Variants in SPRY3 observed in about 807,000 individuals in gnomAD.
The protein encoded by SPRY3 is protein sprouty homolog 3.
Under a neutral mutation model 20.2 loss-of-function variants are expected in SPRY3, and 15 were observed. The ratio of observed to expected loss-of-function variants is 0.74; its 90% CI spans 0.50 to 1.14. The LOEUF (loss-of-function observed/expected upper bound fraction) is 1.14. Among genes scored for constraint, SPRY3 ranks in the 50% most tolerant of loss-of-function variants. The pLI is 0.00. For missense variants in SPRY3, 364 were observed against 363.9 expected (o/e 1.00, Z 0.00); for synonymous variants, 143 against 136.5 (o/e 1.05, Z -0.33).
chrX:155,758,732 T>C (rs1176511273), intron 2 of SPRY3, among the ~76,000 whole-genome samples: 1 of 152,158 alleles, frequency 6.6e-6, no homozygotes, highest in Non-Finnish European at 1.5e-5. Flanking sequence ...AAACAAAACA[T>C]GACAAAATGA....
At chrX:155,684,063 A>C (rs1255808140) in intron 2 of SPRY3, among the ~76,000 whole-genome samples, 3 of 110,205 alleles carry the variant, frequency 2.7e-5, no homozygotes, top group Non-Finnish European at 5.7e-5. Flanking sequence ...TGGCCTTGAC[A>C]ACAAGCTGAT....
At chrX:155,704,393 C>A (rs1569380071) in intron 2 of SPRY3, among the ~76,000 whole-genome samples, 1 of 151,616 alleles carries the variant, frequency 6.6e-6, no homozygotes, top group Non-Finnish European at 1.5e-5. Context: ...AGGGGCCCAA[C>A]AGAACTGACA....
chrX:155,705,460 A>T (rs1220338079), intron 2 of SPRY3, among the ~76,000 whole-genome samples: 1 of 151,454 alleles, frequency 6.6e-6, no homozygotes, highest in Non-Finnish European at 1.5e-5. Flanking sequence ...ACACAGATGA[A>T]ATATAACAAA....
intron 2 of SPRY3, among the ~76,000 whole-genome samples, chrX:155,763,574 G>A (rs751420256): frequency 3.3e-5 from 5 of 151,938 alleles, no homozygotes; most frequent in East Asian, 1.9e-4. Flanking sequence ...CCTGTCATTC[G>A]AGTTATTCTC....
chrX:155,653,617 T>A lies in SPRY3; in HGVS notation c.-440-3250T>A, dbSNP rs1704418505. Among the ~76,000 whole-genome samples, 3 of 112,029 alleles carry A rather than the reference T, an allele frequency of 2.7e-5. 1 individual carries two copies. The Admixed American group carries it at 2.8e-4, about 11-fold the overall frequency. On this transcript the variant is annotated intron_variant, in intron 1 of 3. Transcript: ENST00000675360. ...AGTGATTTATAGATGCCATTGTCTA[T>A]CCTTATGCTAGTGCCACATTGTTTG...
chrX:155,759,169 G>T (rs926863738), intron 2 of SPRY3, among the ~76,000 whole-genome samples: 2 of 150,422 alleles, frequency 1.3e-5, no homozygotes, highest in African/African-American at 4.9e-5. Flanking sequence ...GATTACAAGC[G>T]CCCACCATCA....
At chrX:155,681,191 TG>T (rs1167832930) in intron 2 of SPRY3, among the ~76,000 whole-genome samples, 1 of 111,613 alleles carries the variant, frequency 9.0e-6, no homozygotes, top group East Asian at 2.8e-4. Flanking sequence ...AATTGAGTCA[TG>T]GGGGCGGTTT....
chrX:155,781,309 T>C (rs1261576578), downstream of SPRY3: 1 of 166,984 alleles, frequency 6.0e-6, no homozygotes, highest in Non-Finnish European at 1.5e-5. Flanking sequence ...CTGGATTGGT[T>C]TTTTCTGAGT....
At chrX:155,731,192 A>G (rs2091130015) in intron 2 of SPRY3, among the ~76,000 whole-genome samples, 2 of 152,086 alleles carry the variant, frequency 1.3e-5, no homozygotes. Context: ...CAAAAGACCC[A>G]GAATAGCCAA....
intron 1 of SPRY3, among the ~76,000 whole-genome samples, chrX:155,656,141 C>A (rs1020994342): frequency 9.0e-6 from 1 of 111,201 alleles, no homozygotes; most frequent in African/African-American, 3.3e-5. Flanking sequence ...TGAATGTTGG[C>A]CTATCTTGCT....
chrX:155,640,858 C>T (rs1198925068), intron 1 of SPRY3, among the ~76,000 whole-genome samples: 2 of 111,477 alleles, frequency 1.8e-5, no homozygotes, highest in Admixed American at 9.6e-5. Flanking sequence ...AGTTTAATAT[C>T]GTATCATCTG....
chrX:155,780,148 AG>A (rs2091454899), downstream of SPRY3: 1 of 167,110 alleles, frequency 6.0e-6, no homozygotes, highest in South Asian at 2.1e-4. Flanking sequence ...CTCCTGAAAA[AG>A]AAGAAGGTAA....
intron 2 of SPRY3, among the ~76,000 whole-genome samples, chrX:155,740,123 T>C (rs1404124050): frequency 1.3e-5 from 2 of 152,176 alleles, no homozygotes; most frequent in Non-Finnish European, 2.9e-5. Flanking sequence ...TTCCCAAAAT[T>C]AATACTTTTA....
chrX:155,764,428 A>T (rs976037347), intron 2 of SPRY3, among the ~76,000 whole-genome samples: 4 of 152,216 alleles, frequency 2.6e-5, no homozygotes, highest in Non-Finnish European at 5.9e-5. Context: ...TAATTGTACT[A>T]TAGTGATAGC....
intron 2 of SPRY3, among the ~76,000 whole-genome samples, chrX:155,663,419 T>C: frequency 9.0e-6 from 1 of 111,204 alleles, no homozygotes; most frequent in African/African-American, 3.3e-5. Flanking sequence ...AAAATGGCTA[T>C]AGAAAGAGGA....
At chrX:155,734,693 T>A (rs1398482136) in intron 2 of SPRY3, among the ~76,000 whole-genome samples, 1 of 151,936 alleles carries the variant, frequency 6.6e-6, no homozygotes, top group Non-Finnish European at 1.5e-5. Context: ...AGCACATTAA[T>A]CCAAGGCACA....
At chrX:155,749,853 T>A (rs2091251623) in intron 2 of SPRY3, among the ~76,000 whole-genome samples, 1 of 151,846 alleles carries the variant, frequency 6.6e-6, no homozygotes, top group South Asian at 2.1e-4. Context: ...GTTTTAAATA[T>A]TCAATTGGAG....
rs781855155 is a variant in SPRY3, at chrX:155,652,400, T to C, written c.-440-4467T>C. On this transcript the variant is annotated intron_variant, in intron 1 of 3. Coordinates refer to ENST00000675360, the Ensembl canonical transcript of SPRY3. ...CCCCACCTTCCTTCACCCCAGCCCA[T>C]TACAACCTTTCCCAGTCTCTGGTAG... Among the ~76,000 whole-genome samples the C allele has an allele frequency of 5.4e-5, 6 of 111,212 alleles. No individual in the cohort carries two copies. In the South Asian group the frequency reaches 2.3e-3, roughly 43 times the overall value.
chrX:155,655,689 A>T (rs781834476), intron 1 of SPRY3, among the ~76,000 whole-genome samples: 58 of 110,892 alleles, frequency 5.2e-4, no homozygotes, highest in Middle Eastern at 4.6e-3. Context: ...TCTTCCATTG[A>T]CCTATGTGTC....
Sources: gnomAD v4.1 joint callset for allele counts (sites outside exome capture counted in the v4.1 genomes callset) on GRCh38, gnomAD v4.1.1 for gene constraint, MANE v1.5 for transcripts, NCBI Gene and HGNC (gene_info 2026-07-23, HGNC 2026-07-21) for gene names.